CDC42BPB: variants seen among roughly 807,000 people sequenced by gnomAD.
The protein encoded by CDC42BPB is CDC42 binding protein kinase beta.
In CDC42BPB, 37 loss-of-function variants were observed where a neutral mutation model predicts 214.9. The observed-to-expected ratio is 0.17, with a 90% CI of 0.13 to 0.23. The LOEUF (loss-of-function observed/expected upper bound fraction) is 0.23, where lower values mean the gene tolerates loss of function less well. Ranked by LOEUF, CDC42BPB falls within the 10% of genes least tolerant of loss-of-function variation. The pLI is 1.00. For missense variants in CDC42BPB, 1,694 were observed against 2,227.0 expected (o/e 0.76, Z 4.82); for synonymous variants, 931 against 884.0 (o/e 1.05, Z -0.94).
intron 24 of CDC42BPB, 72 bp from the exon 25 acceptor site, chr14:102,950,674 G>T: frequency 1.4e-6 from 2 of 1,413,106 alleles, no homozygotes; most frequent in South Asian, 1.6e-5. Flanking sequence ...CCTATGCCCT[G>T]AGGAGGCAAT....
At chr14:102,952,430 G>T in intron 24 of CDC42BPB, 68 bp downstream of exon 24, 1 of 971,792 alleles carries the variant, frequency 1.0e-6, no homozygotes. Context: ...CCTGGAGCCG[G>T]CTGGTGCCCT....
intron 12 of CDC42BPB, among the ~76,000 whole-genome samples, chr14:102,973,305 C>T (rs1233520237): frequency 6.6e-6 from 1 of 152,232 alleles, no homozygotes; most frequent in Non-Finnish European, 1.5e-5. Flanking sequence ...TGATACCTGG[C>T]ACATTTTAGA....
intron 35 of CDC42BPB, 61 bp downstream of exon 35, chr14:102,938,245 A>G (rs1891726740): frequency 1.2e-6 from 2 of 1,601,120 alleles, no homozygotes; most frequent in Non-Finnish European, 1.7e-6. Flanking sequence ...GGGTCTCCCC[A>G]TTCCAGCACC....
At chr14:103,032,989 A>C (rs1262414962) in intron 1 of CDC42BPB, among the ~76,000 whole-genome samples, 2 of 152,086 alleles carry the variant, frequency 1.3e-5, no homozygotes, top group East Asian at 3.9e-4. Flanking sequence ...TTGAGAAATT[A>C]CTGTTATTTT....
intron 1 of CDC42BPB, among the ~76,000 whole-genome samples, chr14:103,040,480 A>T (rs1195342540): frequency 6.6e-6 from 1 of 152,060 alleles, no homozygotes; most frequent in East Asian, 1.9e-4. Context: ...TTTATTTGAG[A>T]TGGAGTCTCA....
chr14:103,005,579 A>G (rs1381350086), intron 3 of CDC42BPB, among the ~76,000 whole-genome samples: 1 of 151,778 alleles, frequency 6.6e-6, no homozygotes, highest in Non-Finnish European at 1.5e-5. Flanking sequence ...GTGTGGTGTC[A>G]CCCGTCTGCA....
Position 102,950,538 on chromosome 14 carries a change from G to T in CDC42BPB, c.3237C>A (p.Pro1079=). The part of the protein sequence containing the change: ...DGAPQVCPIP[P]EQSKRPLGVD... ...CGCCCAGAGGCCTCTTGGACTGCTC[G>T]GGAGGTATTGGGCACACCTGGGGGG... The change falls in exon 25 of 37, where the codon CCC becomes CCA. Residue 1079 remains proline (P), a synonymous_variant. Coordinates refer to ENST00000361246, the MANE Select transcript of CDC42BPB (RefSeq NM_006035.4). The T allele has an allele frequency of 6.2e-7, 1 of 1,612,464 alleles. No homozygotes were observed. Among genetic ancestry groups the T allele is most frequent in the Non-Finnish European group, 8.5e-7 (1 of 1,179,570 alleles).
Position 102,984,590 on chromosome 14 carries a change from C to G in CDC42BPB, c.691-834G>C, listed in dbSNP as rs974411629. Among the ~76,000 whole-genome samples, 37 of 152,068 alleles carry G rather than the reference C, an allele frequency of 2.4e-4. 1 individual carries two copies. The highest frequency in any genetic ancestry group is 1.0e-4 in the Non-Finnish European group (7 of 68,002). On this transcript the variant is annotated intron_variant, in intron 6 of 36. Coordinates refer to ENST00000361246, the MANE Select transcript of CDC42BPB (RefSeq NM_006035.4). ...AGTACAGTGACACCTCTGCAGAAAGCTGCGAGGGCACGGGCCACCTCAGAG... is the reference window on the plus strand; with the variant it reads ...AGTACAGTGACACCTCTGCAGAAAGGTGCGAGGGCACGGGCCACCTCAGAG...
chr14:102,976,885 T>C (rs935082935), intron 9 of CDC42BPB, among the ~76,000 whole-genome samples: 2 of 152,126 alleles, frequency 1.3e-5, no homozygotes, highest in East Asian at 1.9e-4. Context: ...AGCTGGCATG[T>C]ATTAGAAAGA....
At chr14:102,986,286 A>G (rs1894245536) in intron 6 of CDC42BPB, 1 of 519,480 alleles carries the variant, frequency 1.9e-6, no homozygotes. Flanking sequence ...TAAACATAAA[A>G]AGCAATAAAG....
chr14:103,056,116 C>A (rs757476628), intron 1 of CDC42BPB, among the ~76,000 whole-genome samples: 1 of 152,018 alleles, frequency 6.6e-6, no homozygotes, highest in Non-Finnish European at 1.5e-5. Context: ...AATTTTTGTC[C>A]TAAAAAAGCA....
At chr14:103,056,842 G>T (rs2139809611) in intron 1 of CDC42BPB, among the ~76,000 whole-genome samples, 157 bp downstream of exon 1, 1 of 151,958 alleles carries the variant, frequency 6.6e-6, no homozygotes, top group African/African-American at 2.4e-5. Flanking sequence ...TGCGGGCCTG[G>T]GGGCGCTGCC....
chr14:102,996,594 C>A (rs543663240), intron 5 of CDC42BPB, among the ~76,000 whole-genome samples: 1 of 152,120 alleles, frequency 6.6e-6, no homozygotes, highest in Non-Finnish European at 1.5e-5. Context: ...GGGTGGATCA[C>A]CTGAGGTCAG....
At chr14:102,966,600 C>G in intron 17 of CDC42BPB, 1 of 756,534 alleles carries the variant, frequency 1.3e-6, no homozygotes, top group Non-Finnish European at 1.6e-6. Flanking sequence ...ACCAAACTTC[C>G]AAGACTCAAG....
In CDC42BPB at chr14:102,964,574, G is replaced by A. The variant is rs368109666; in HGVS notation, c.2654C>T (p.Ala885Val). The change falls in exon 19 of 37, where the codon GCG becomes GTG. Residue 885 changes from alanine (A) to valine (V), a missense_variant. Coordinates refer to ENST00000361246, the MANE Select transcript of CDC42BPB (RefSeq NM_006035.4). ...ARLELQSALE[A>V]EIRAKQLVQE... Reference sequence around the variant, plus strand: ...GACAAGCTGCTTGGCCCGGATCTCCGCCTCCAGGGCCGACTGCAGCTCCAG... The same window carrying A: ...GACAAGCTGCTTGGCCCGGATCTCCACCTCCAGGGCCGACTGCAGCTCCAG... 2.4e-5 allele frequency: 38 copies of A among 1,613,692 alleles called. No individual in the cohort carries two copies. The highest frequency in any genetic ancestry group is 2.9e-5 in the Non-Finnish European group (34 of 1,180,002).
At chr14:103,038,142 C>G (rs1252726485) in intron 1 of CDC42BPB, among the ~76,000 whole-genome samples, 2 of 151,840 alleles carry the variant, frequency 1.3e-5, no homozygotes, top group Non-Finnish European at 2.9e-5. Context: ...CAAGACCATC[C>G]TGGTCAACAT....
At chr14:102,984,318 G>A (rs1371467284) in intron 6 of CDC42BPB, among the ~76,000 whole-genome samples, 1 of 152,134 alleles carries the variant, frequency 6.6e-6, no homozygotes, top group Non-Finnish European at 1.5e-5. Context: ...TGTAGGGTCT[G>A]TTTTTAGAAT....
chr14:103,011,963 G>T, intron 2 of CDC42BPB, 134 bp downstream of exon 2: 1 of 685,048 alleles, frequency 1.5e-6, no homozygotes, highest in Non-Finnish European at 2.6e-6. Context: ...AAGAGAGAGA[G>T]GAAAAAACAA....
chr14:102,937,835 C>T (rs961107823), intron 36 of CDC42BPB, among the ~76,000 whole-genome samples: 5 of 152,210 alleles, frequency 3.3e-5, no homozygotes, highest in Non-Finnish European at 5.9e-5. Flanking sequence ...GGCAGGTTGG[C>T]GGGAAAGCTT....
Sources: allele counts gnomAD v4.1 joint callset (sites outside exome capture counted in the v4.1 genomes callset), GRCh38; gene constraint gnomAD v4.1.1; transcripts MANE v1.5; gene names NCBI Gene and HGNC (gene_info 2026-07-23, HGNC 2026-07-21).